The following CFAP53 variants were observed in gnomAD, a reference collection of about 807,000 sequenced individuals.
CFAP53 encodes cilia- and flagella-associated protein 53.
In CFAP53, 62 loss-of-function variants were observed where a neutral mutation model predicts 59.7. The ratio of observed to expected loss-of-function variants is 1.04; its 90% confidence interval spans 0.85 to 1.28. CFAP53 has a LOEUF of 1.28. Ranked by LOEUF, CFAP53 falls within the 50% of genes most tolerant of loss-of-function variation. The probability of loss-of-function intolerance (pLI) is 0.00; values close to 1 mark genes in which losing one functional copy is unlikely to be tolerated. For missense variants in CFAP53, 629 were observed against 615.6 expected, an observed-to-expected ratio of 1.02 and a Z score of -0.23; for synonymous variants, 218 against 205.7, an observed-to-expected ratio of 1.06 and a Z score of -0.51.
chr18:50,253,952 C>G (rs1429288506), intron 3 of CFAP53, among the ~76,000 whole-genome samples: 1 of 151,990 alleles, frequency 6.6e-6, no homozygotes, highest in Non-Finnish European at 1.5e-5. Flanking sequence ...AATCATTAAC[C>G]ATGTATAATT....
At chr18:50,232,552 C>T (rs2033593100) in intron 7 of CFAP53, among the ~76,000 whole-genome samples, 3 of 152,320 alleles carry the variant, frequency 2.0e-5, no homozygotes, top group Non-Finnish European at 2.9e-5. Context: ...ATTTTAAAAG[C>T]CCTGCCTGGC....
intron 7 of CFAP53, among the ~76,000 whole-genome samples, chr18:50,234,482 G>A (rs777781022): frequency 1.8e-4 from 27 of 152,062 alleles, no homozygotes; most frequent in Non-Finnish European, 3.4e-4. Context: ...TTTGATCCCT[G>A]GGGACCATGG....
intron 7 of CFAP53, among the ~76,000 whole-genome samples, chr18:50,236,906 C>T (rs2033639266): frequency 6.6e-6 from 1 of 152,060 alleles, no homozygotes; most frequent in Non-Finnish European, 1.5e-5. Context: ...ACTGTAATAC[C>T]TCTGCCCATA....
At chr18:50,256,096 A>G (rs955914197) in intron 3 of CFAP53, 2 of 152,224 alleles carry the variant, frequency 1.3e-5, no homozygotes, top group African/African-American at 4.8e-5. Flanking sequence ...TTAACAATTC[A>G]TCTAACTAGC....
intron 6 of CFAP53, among the ~76,000 whole-genome samples, chr18:50,239,564 A>G (rs1280527841): frequency 6.6e-6 from 1 of 152,228 alleles, no homozygotes; most frequent in Non-Finnish European, 1.5e-5. Context: ...GTATGTATGG[A>G]GATGGTAATC....
intron 3 of CFAP53, among the ~76,000 whole-genome samples, chr18:50,258,360 A>G (rs2033863150): frequency 6.6e-6 from 1 of 152,228 alleles, no homozygotes; most frequent in African/African-American, 2.4e-5. Flanking sequence ...GGGAAAAGAC[A>G]GTCTCTTCAA....
intron 3 of CFAP53, 121 bp from the exon 4 acceptor site, chr18:50,251,905 T>C (rs2033805116): frequency 3.5e-6 from 3 of 854,742 alleles, no homozygotes; most frequent in Non-Finnish European, 3.7e-6. Context: ...ATGCAGGCCA[T>C]CGGAGCACAG....
rs1223678521 is a variant in CFAP53, at chr18:50,266,338, C to G, written c.67G>C (p.Val23Leu). 2 of 1,614,166 alleles carry G rather than the reference C, an allele frequency of 1.2e-6. No homozygotes were observed. The highest frequency in any genetic ancestry group is 4.5e-5 in the East Asian group (2 of 44,890). Residue 23 changes from valine (V) to leucine (L), a missense_variant and splice_region_variant, in exon 1 of 8, where the codon GTG becomes CTG. By Grantham distance (32) the Val-to-Leu change is conservative. Coordinates refer to ENST00000398545, the MANE Select transcript of CFAP53 (RefSeq NM_145020.5). ...VKGPTPKVVI[V>L]RSKPPKGQGA... ...TGGCAGACATATCCTGTGCTTACCA[C>G]GATCACCACTTTGGGGGTGGGGCCC...
rs566626399 is a variant in CFAP53, at chr18:50,237,978, T to A, written c.1316+625A>T. Among the ~76,000 whole-genome samples the A allele has an allele frequency of 2.1e-3, 322 of 152,354 alleles. 1 individual carries two copies. Among genetic ancestry groups the A allele is most frequent in the African/African-American group, 7.3e-3 (305 of 41,588 alleles). ...TTTCATGGAGGAAAAAAAATCTTCTTGCTATTTTATTAGGATTTAAGGTTG... is the reference window on the plus strand; with the variant it reads ...TTTCATGGAGGAAAAAAAATCTTCTAGCTATTTTATTAGGATTTAAGGTTG... On this transcript the variant is annotated intron_variant, in intron 7 of 7. Transcript: ENST00000398545.
At chr18:50,230,070 C>G (rs1450661047) in intron 7 of CFAP53, among the ~76,000 whole-genome samples, 1 of 152,072 alleles carries the variant, frequency 6.6e-6, no homozygotes, top group Non-Finnish European at 1.5e-5. Flanking sequence ...TTTGTAGTTT[C>G]AATGGCTAGA....
chr18:50,238,734 A>T (rs1157604317), intron 6 of CFAP53, 29 bp from the exon 7 acceptor site: 1 of 1,536,346 alleles, frequency 6.5e-7, no homozygotes, highest in African/African-American at 1.4e-5. Flanking sequence ...ATTATATGTC[A>T]AATGACTTTC....
At chr18:50,263,345 A>G (rs879378627) in intron 1 of CFAP53, among the ~76,000 whole-genome samples, 10 of 152,200 alleles carry the variant, frequency 6.6e-5, no homozygotes, top group African/African-American at 4.8e-5. Flanking sequence ...TACATTTAGA[A>G]TATCACCATC....
chr18:50,227,955 C>CTTTTTTTTTTTTTTTTTTTTTTT (rs1191228047), intron 7 of CFAP53, among the ~76,000 whole-genome samples: 1 of 90,090 alleles, frequency 1.1e-5, no homozygotes, highest in Non-Finnish European at 1.9e-5. Context: ...AACTTTTCTC[C>CTTTTTTTTTTTTTTTTTTTTTTT]TTTTTTTTTT....
At chr18:50,251,193 T>C (rs2033795512) in intron 4 of CFAP53, among the ~76,000 whole-genome samples, 1 of 152,340 alleles carries the variant, frequency 6.6e-6, no homozygotes, top group Middle Eastern at 3.4e-3. Flanking sequence ...TAATAAATAG[T>C]TGTAGAGTTG....
chr18:50,238,793 T>C, intron 6 of CFAP53, 88 bp from the exon 7 acceptor site: 1 of 903,596 alleles, frequency 1.1e-6, no homozygotes, highest in Admixed American at 2.3e-5. Flanking sequence ...ATATTGTCTT[T>C]AGAAAGGCAG....
At chr18:50,255,858 A>G (rs182352650) in intron 3 of CFAP53, among the ~76,000 whole-genome samples, 72 of 119,740 alleles carry the variant, frequency 6.0e-4, no homozygotes, top group Admixed American at 1.9e-3. Context: ...GTATATTTAT[A>G]CAATGGAATA....
chr18:50,248,030 TA>T (rs1168023604), intron 5 of CFAP53, among the ~76,000 whole-genome samples: 1 of 150,608 alleles, frequency 6.6e-6, no homozygotes, highest in African/African-American at 2.4e-5. Flanking sequence ...GTCAATTAGA[TA>T]ATGGACAAAA....
At chr18:50,262,675 C>T (rs933885124) in intron 1 of CFAP53, among the ~76,000 whole-genome samples, 14 of 152,008 alleles carry the variant, frequency 9.2e-5, no homozygotes, top group Admixed American at 7.9e-4. Flanking sequence ...AAAATACTTT[C>T]AATGAAAAGG....
chr18:50,230,229 T>C (rs1457505170), intron 7 of CFAP53, among the ~76,000 whole-genome samples: 2 of 152,226 alleles, frequency 1.3e-5, no homozygotes, highest in East Asian at 3.9e-4. Context: ...CACCCAATTT[T>C]ATGCTAATAA....
Sources: gnomAD v4.1 joint callset for allele counts (sites outside exome capture counted in the v4.1 genomes callset) on GRCh38, gnomAD v4.1.1 for gene constraint, MANE v1.5 for transcripts, NCBI Gene and HGNC (gene_info 2026-07-23, HGNC 2026-07-21) for gene names.